Variants in BBX observed in about 807,000 individuals in gnomAD.
The protein encoded by BBX is BBX high mobility group box domain containing.
In BBX, 30 loss-of-function variants were observed where a neutral mutation model predicts 100.2. That is an observed-to-expected ratio of 0.30 (90% CI 0.22 to 0.41). The LOEUF is 0.41. Ranked by LOEUF, BBX falls within the 10% of genes least tolerant of loss-of-function variation. The pLI, the probability that BBX is intolerant of heterozygous loss-of-function variation, is 1.00. For synonymous variants in BBX, 376 were observed against 388.1 expected (o/e 0.97, Z 0.37); for missense variants, 1,023 against 1,129.8 (o/e 0.91, Z 1.35).
chr3:107,697,388 C>T (rs1391746073), intron 3 of BBX, among the ~76,000 whole-genome samples: 1 of 151,704 alleles, frequency 6.6e-6, no homozygotes, highest in African/African-American at 2.4e-5. Context: ...TGTGGATGTC[C>T]TTTCTGTTGG....
intron 5 of BBX, among the ~76,000 whole-genome samples, chr3:107,721,219 C>CT (rs1205395342): frequency 2.6e-5 from 4 of 151,936 alleles, no homozygotes; most frequent in African/African-American, 9.7e-5. Flanking sequence ...TTTTTGAAAC[C>CT]TTTAACACAC....
intron 3 of BBX, among the ~76,000 whole-genome samples, chr3:107,664,780 C>G (rs997963328): frequency 1.3e-5 from 2 of 152,148 alleles, no homozygotes; most frequent in African/African-American, 4.8e-5. Context: ...CTTTTCTTTT[C>G]CCCCTAATTC....
At chr3:107,576,443 C>T (rs1183607323) in intron 2 of BBX, among the ~76,000 whole-genome samples, 3 of 152,008 alleles carry the variant, frequency 2.0e-5, no homozygotes, top group South Asian at 2.1e-4. Flanking sequence ...AAATTATCAT[C>T]GGTTTATTGA....
intron 3 of BBX, among the ~76,000 whole-genome samples, chr3:107,664,368 C>A (rs1339871465): frequency 6.6e-6 from 1 of 152,116 alleles, no homozygotes; most frequent in East Asian, 1.9e-4. Context: ...TCCTATAGTT[C>A]TTTAAAATTA....
At chr3:107,693,708 T>G (rs1240044312) in intron 3 of BBX, among the ~76,000 whole-genome samples, 1 of 151,908 alleles carries the variant, frequency 6.6e-6, no homozygotes, top group Non-Finnish European at 1.5e-5. Flanking sequence ...ATATGAACTT[T>G]AAAGTGGTTC....
At chr3:107,767,116 G>A (rs936463631) in intron 10 of BBX, among the ~76,000 whole-genome samples, 1 of 152,208 alleles carries the variant, frequency 6.6e-6, no homozygotes, top group Non-Finnish European at 1.5e-5. Context: ...ATAGGTTTAT[G>A]TTGCAGCAGA....
At chr3:107,583,073 A>T (rs1176767341) in intron 2 of BBX, among the ~76,000 whole-genome samples, 2 of 151,794 alleles carry the variant, frequency 1.3e-5, no homozygotes, top group Non-Finnish European at 2.9e-5. Flanking sequence ...TAAAGCAACT[A>T]TGAAGTATTG....
At chr3:107,559,413 G>A (rs2050320678) in intron 2 of BBX, among the ~76,000 whole-genome samples, 1 of 152,178 alleles carries the variant, frequency 6.6e-6, no homozygotes, top group Non-Finnish European at 1.5e-5. Flanking sequence ...GAAGTTGGGG[G>A]ACTGAAGGAG....
chr3:107,669,406 T>C (rs748356474), intron 3 of BBX, among the ~76,000 whole-genome samples: 15 of 152,008 alleles, frequency 9.9e-5, no homozygotes, highest in Non-Finnish European at 1.5e-4. Flanking sequence ...TTCTGGGATA[T>C]AGTAAAAGGC....
chr3:107,729,005 A>C, intron 6 of BBX, 45 bp downstream of exon 6: 1 of 1,575,340 alleles, frequency 6.3e-7, no homozygotes, highest in Non-Finnish European at 8.6e-7. Context: ...GGACAGGGCA[A>C]TACATTTCGG....
At chr3:107,719,087 T>C (rs1337263888) in intron 5 of BBX, among the ~76,000 whole-genome samples, 1 of 152,088 alleles carries the variant, frequency 6.6e-6, no homozygotes, top group African/African-American at 2.4e-5. Context: ...AAATACTTAA[T>C]AAGTGCCTTC....
intron 7 of BBX, among the ~76,000 whole-genome samples, chr3:107,739,234 A>C (rs1364159040): frequency 5.9e-5 from 9 of 152,172 alleles, no homozygotes; most frequent in African/African-American, 1.9e-4. Flanking sequence ...TAGGCTGCTA[A>C]ATTTGACTAT....
intron 4 of BBX, among the ~76,000 whole-genome samples, chr3:107,715,729 T>C (rs1211713636): frequency 6.6e-6 from 1 of 152,218 alleles, no homozygotes. Context: ...ACGGGAAGAC[T>C]AGGCGTAGGC....
intron 3 of BBX, among the ~76,000 whole-genome samples, chr3:107,674,187 G>A (rs149099818): frequency 6.6e-6 from 1 of 152,220 alleles, no homozygotes; most frequent in East Asian, 1.9e-4. Flanking sequence ...GCATTCACAT[G>A]TAAATATCTT....
chr3:107,747,680 T>C (rs1175044141), intron 8 of BBX, among the ~76,000 whole-genome samples: 1 of 151,954 alleles, frequency 6.6e-6, no homozygotes, highest in Non-Finnish European at 1.5e-5. Flanking sequence ...GTAAGGAAAT[T>C]TATGTCAACA....
chr3:107,794,138 CAAT>C (rs1349426716), intron 15 of BBX, among the ~76,000 whole-genome samples: 1 of 152,026 alleles, frequency 6.6e-6, no homozygotes, highest in Non-Finnish European at 1.5e-5. Flanking sequence ...TTTCTAATTG[CAAT>C]AATAATGATG....
chr3:107,667,169 G>A (rs2058795830), intron 3 of BBX, among the ~76,000 whole-genome samples: 1 of 152,014 alleles, frequency 6.6e-6, no homozygotes, highest in South Asian at 2.1e-4. Flanking sequence ...TGCTTATCAG[G>A]GAAAAAATGG....
At chr3:107,554,659 C>A (rs533933162) in intron 2 of BBX, among the ~76,000 whole-genome samples, 1 of 152,260 alleles carries the variant, frequency 6.6e-6, no homozygotes, top group African/African-American at 2.4e-5. Context: ...TACTTATTTT[C>A]TAGATTTCTA....
chr3:107,687,783 G>A (rs9854637), intron 3 of BBX, among the ~76,000 whole-genome samples: 31,962 of 152,130 alleles, frequency 0.21, 4,254 homozygotes, highest in Non-Finnish European at 0.29. Context: ...GTCCGGGCAC[G>A]GTGGCTCACA....
Sources: allele counts gnomAD v4.1 joint callset (sites outside exome capture counted in the v4.1 genomes callset), GRCh38; gene constraint gnomAD v4.1.1; transcripts MANE v1.5; gene names NCBI Gene and HGNC (gene_info 2026-07-23, HGNC 2026-07-21).